The following BICDL1 variants were observed in gnomAD, a reference collection of about 807,000 sequenced individuals.
BICDL1 encodes BICD family like cargo adaptor 1, also known as BICD family-like cargo adapter 1.
In BICDL1, 20 loss-of-function variants were observed where a neutral mutation model predicts 76.8. The observed-to-expected ratio is 0.26, with a 90% CI of 0.18 to 0.38. The LOEUF (loss-of-function observed/expected upper bound fraction) is 0.38. Ranked by LOEUF, BICDL1 falls within the 10% of genes least tolerant of loss-of-function variation. BICDL1 has a pLI of 1.00. For missense variants in BICDL1, 700 were observed against 798.6 expected (o/e 0.88, Z 1.49); for synonymous variants, 383 against 337.1 (o/e 1.14, Z -1.49).
chr12:120,080,664 C>T lies in BICDL1; in HGVS notation c.1453-223C>T, dbSNP rs1873896574. Reference sequence around the variant, plus strand: ...GCTGCAGGTCCAGAGCTAAATTCCCCCCAGCTCCCTTGCTGCCGAGCTCAA... The same window carrying T: ...GCTGCAGGTCCAGAGCTAAATTCCCTCCAGCTCCCTTGCTGCCGAGCTCAA... On this transcript the variant is annotated intron_variant, in intron 7 of 9. Transcript: ENST00000548673. 1.9e-5 allele frequency: 8 copies of T among 415,288 alleles called. No individual in the cohort carries two copies. The South Asian group carries it at 2.1e-4, about 11-fold the overall frequency. 25.7% of individuals were successfully genotyped at this position (415,288 alleles called of 1,614,324 possible). A position where few individuals can be genotyped will look rare whatever the true frequency, so the allele number is the denominator to read the frequency against.
chr12:120,008,228 G>A (rs990931990), intron 2 of BICDL1, among the ~76,000 whole-genome samples: 2 of 144,326 alleles, frequency 1.4e-5, no homozygotes, highest in African/African-American at 5.2e-5. Context: ...GCGCCATCAT[G>A]GCTCACTATA....
At chr12:120,048,532 G>GA (rs1269409528) in intron 2 of BICDL1, among the ~76,000 whole-genome samples, 3 of 150,914 alleles carry the variant, frequency 2.0e-5, no homozygotes. Flanking sequence ...TCTGATGTGG[G>GA]AAAAAAAAAT....
chr12:120,007,241 G>T (rs1369143714), intron 2 of BICDL1, among the ~76,000 whole-genome samples: 1 of 152,190 alleles, frequency 6.6e-6, no homozygotes, highest in Non-Finnish European at 1.5e-5. Context: ...GGATAATTAA[G>T]GTTGAGATGC....
chr12:120,037,176 G>A (rs964384578), intron 2 of BICDL1, among the ~76,000 whole-genome samples: 3 of 152,236 alleles, frequency 2.0e-5, no homozygotes, highest in South Asian at 4.1e-4. Flanking sequence ...CTCAGTAATC[G>A]TATGTTGAAT....
intron 2 of BICDL1, among the ~76,000 whole-genome samples, chr12:120,022,395 C>A (rs1238356910): frequency 6.8e-6 from 1 of 147,678 alleles, no homozygotes; most frequent in Non-Finnish European, 1.5e-5. Context: ...GAGACCCTGT[C>A]TCTTAAAAAT....
intron 7 of BICDL1, among the ~76,000 whole-genome samples, chr12:120,077,487 C>A (rs930060751): frequency 9.7e-5 from 8 of 82,784 alleles, no homozygotes; most frequent in Non-Finnish European, 1.9e-4. Context: ...ATCGGTGAGG[C>A]CCTCAGCCAG....
At chr12:120,001,176 G>A (rs1951752102) in intron 2 of BICDL1, among the ~76,000 whole-genome samples, 1 of 151,720 alleles carries the variant, frequency 6.6e-6, no homozygotes. Flanking sequence ...AGGAACTAGA[G>A]GAGTTAAATA....
chr12:120,014,559 G>A (rs946038605), intron 2 of BICDL1, among the ~76,000 whole-genome samples: 20 of 152,032 alleles, frequency 1.3e-4, no homozygotes, highest in Non-Finnish European at 2.8e-4. Flanking sequence ...AAGTGTGGTG[G>A]CGCGTGCCTT....
At chr12:120,092,668 G>A in intron 9 of BICDL1, 2 of 985,466 alleles carry the variant, frequency 2.0e-6, no homozygotes, top group Non-Finnish European at 2.4e-6. Flanking sequence ...GAGCCGTGAG[G>A]CCTGGTCAGA....
At position 120,021,619 on chromosome 12, in the gene BICDL1, G is replaced by C. The variant is rs188257952; in HGVS notation, c.645+22883G>C. ...AAAAAAAAAAAAAAAAAGAGAATCA[G>C]CCAGGTGTGGTGGCTCATGCCTGTA... is the stretch of plus-strand genomic sequence containing the variant. On this transcript the variant is annotated intron_variant, in intron 2 of 9. Transcript: ENST00000548673. Among the ~76,000 whole-genome samples, 316 of 139,644 alleles carry C rather than the reference G, an allele frequency of 2.3e-3. 1 individual carries two copies. Among genetic ancestry groups the C allele is most frequent in the Non-Finnish European group, 1.6e-3 (103 of 65,400 alleles). The allele number at this position is 139,644 out of a possible 152,430, so 91.6% of individuals were successfully genotyped here.
At chr12:119,991,322 A>G (rs184581267) in intron 1 of BICDL1, among the ~76,000 whole-genome samples, 5 of 152,362 alleles carry the variant, frequency 3.3e-5, no homozygotes, top group Middle Eastern at 6.8e-3. Context: ...CAGGTTCCGT[A>G]TCTCTGCTAC....
chr12:120,012,001 C>T (rs988011093), intron 2 of BICDL1, among the ~76,000 whole-genome samples: 5 of 152,170 alleles, frequency 3.3e-5, no homozygotes, highest in African/African-American at 1.2e-4. Flanking sequence ...TGTACGTATG[C>T]GATCTCTGTT....
chr12:120,066,366 G>C (rs1953220623), intron 4 of BICDL1, among the ~76,000 whole-genome samples: 1 of 152,198 alleles, frequency 6.6e-6, no homozygotes, highest in Non-Finnish European at 1.5e-5. Context: ...TATGGAGAAA[G>C]AGAAAAATGG....
intron 2 of BICDL1, among the ~76,000 whole-genome samples, chr12:120,060,346 G>T (rs1415447900): frequency 6.6e-6 from 1 of 152,214 alleles, no homozygotes; most frequent in African/African-American, 2.4e-5. Context: ...AGGTTTCAGG[G>T]TGTGTAGGGT....
At chr12:120,070,015 CAT>C (rs954227368) in intron 4 of BICDL1, among the ~76,000 whole-genome samples, 24 of 152,332 alleles carry the variant, frequency 1.6e-4, no homozygotes, top group African/African-American at 4.1e-4. Flanking sequence ...AGTATTCTAA[CAT>C]GTGAACATAC....
At chr12:120,060,517 C>T (rs901226916) in intron 2 of BICDL1, among the ~76,000 whole-genome samples, 3 of 152,086 alleles carry the variant, frequency 2.0e-5, no homozygotes, top group Non-Finnish European at 4.4e-5. Flanking sequence ...ACTTCACTGA[C>T]TGAAACTTGG....
At position 120,028,813 on chromosome 12, in the gene BICDL1, TC is replaced by T. The variant is rs148639913; in HGVS notation, c.645+30078del. ...TTCTGGCTTGATTGAGCCCAGGAGTTCAAGTCTAGCCTGGACAACATAGTGA... is the reference window on the plus strand; with the variant it reads ...TTCTGGCTTGATTGAGCCCAGGAGTTAAGTCTAGCCTGGACAACATAGTGA... On this transcript the variant is annotated intron_variant, in intron 2 of 9. Coordinates refer to ENST00000548673, the MANE Select transcript of BICDL1 (RefSeq NM_001367886.1). Among the ~76,000 whole-genome samples the T allele has an allele frequency of 7.6e-3, 1,164 of 152,206 alleles. 7 individuals carry two copies. Among genetic ancestry groups the T allele is most frequent in the Middle Eastern group, 0.055 (16 of 292 alleles).
chr12:120,082,356 G>T (rs574186580), intron 8 of BICDL1, among the ~76,000 whole-genome samples: 1 of 151,850 alleles, frequency 6.6e-6, no homozygotes, highest in African/African-American at 2.4e-5. Context: ...GGTCTTGAGC[G>T]ATCCTCCCAC....
intron 2 of BICDL1, among the ~76,000 whole-genome samples, chr12:120,037,775 A>T (rs1952554894): frequency 6.6e-6 from 1 of 152,342 alleles, no homozygotes; most frequent in African/African-American, 2.4e-5. Context: ...AGCCTGGTCT[A>T]CATAATACAT....
Sources: gnomAD v4.1 joint callset for allele counts (sites outside exome capture counted in the v4.1 genomes callset) on GRCh38, gnomAD v4.1.1 for gene constraint, MANE v1.5 for transcripts, NCBI Gene and HGNC (gene_info 2026-07-23, HGNC 2026-07-21) for gene names.